AGFG1: variants seen among roughly 807,000 people sequenced by gnomAD.
AGFG1 encodes arf-GAP domain and FG repeat-containing protein 1.
In AGFG1, 10 loss-of-function variants were observed where a neutral mutation model predicts 60.6. That is an observed-to-expected ratio of 0.16 (90% CI 0.10 to 0.28). AGFG1 has a LOEUF of 0.28. Among genes scored for constraint, AGFG1 ranks in the 10% least tolerant of loss-of-function variants. The pLI is 1.00. For missense variants in AGFG1, 537 were observed against 676.5 expected, an observed-to-expected ratio of 0.79 and a Z score of 2.29; for synonymous variants, 247 against 242.9, an observed-to-expected ratio of 1.02 and a Z score of -0.16.
At chr2:227,516,598 G>T (rs1691658975) in intron 2 of AGFG1, among the ~76,000 whole-genome samples, 1 of 152,146 alleles carries the variant, frequency 6.6e-6, no homozygotes, top group Non-Finnish European at 1.5e-5. Context: ...ACAGCAGTTA[G>T]TAAACAATTT....
intron 10 of AGFG1, chr2:227,550,189 C>T: frequency 3.1e-6 from 1 of 327,114 alleles, no homozygotes; most frequent in Non-Finnish European, 6.4e-6. Flanking sequence ...TTCTGGATCC[C>T]TGCATGTGGA....
intron 1 of AGFG1, among the ~76,000 whole-genome samples, chr2:227,489,215 T>G (rs7604625): frequency 0.59 from 85,255 of 143,354 alleles, 25,617 homozygotes; most frequent in South Asian, 0.69. Flanking sequence ...TCAGAGTTAG[T>G]TTTGAGAGTT....
rs185376403 is a variant in AGFG1, at chr2:227,539,909, C to G, written c.1378+2916C>G. On this transcript the variant is annotated intron_variant, in intron 10 of 12. Coordinates refer to ENST00000310078, the MANE Select transcript of AGFG1 (RefSeq NM_004504.5). ...GGAGTGCAGTGGCTTAATCTTTGCT[C>G]ACTGCAGCCTCTACCTCCCGGATTC... 2.1e-3 allele frequency among the ~76,000 whole-genome samples: 316 copies of G among 152,284 alleles called. 2 individuals carry two copies. Among genetic ancestry groups the G allele is most frequent in the African/African-American group, 7.4e-3 (307 of 41,556 alleles).
At chr2:227,516,971 C>T (rs910020867) in intron 2 of AGFG1, among the ~76,000 whole-genome samples, 1 of 152,092 alleles carries the variant, frequency 6.6e-6, no homozygotes, top group African/African-American at 2.4e-5. Context: ...CTTTAAAAAT[C>T]TTAAAGAATT....
intron 4 of AGFG1, among the ~76,000 whole-genome samples, chr2:227,524,213 A>G (rs1408558518): frequency 3.9e-5 from 6 of 152,110 alleles, no homozygotes; most frequent in Non-Finnish European, 8.8e-5. Flanking sequence ...GTATACATGT[A>G]TATATCATGT....
At chr2:227,472,961 G>T (rs1187885537) in intron 1 of AGFG1, among the ~76,000 whole-genome samples, 2 of 151,902 alleles carry the variant, frequency 1.3e-5, no homozygotes, top group Non-Finnish European at 2.9e-5. Flanking sequence ...GGGCTGTGGG[G>T]GGTGGGGGAA....
chr2:227,483,737 A>T (rs1361081732), intron 1 of AGFG1, among the ~76,000 whole-genome samples: 1 of 151,870 alleles, frequency 6.6e-6, no homozygotes, highest in South Asian at 2.1e-4. Context: ...CTAGTTTTTG[A>T]TATATATGAA....
At chr2:227,493,299 A>C (rs555908845) in intron 2 of AGFG1, among the ~76,000 whole-genome samples, 3 of 152,330 alleles carry the variant, frequency 2.0e-5, no homozygotes, top group East Asian at 3.9e-4. Flanking sequence ...ACTTTATACC[A>C]GTTGAATTAC....
chr2:227,476,067 C>T (rs75598445), intron 1 of AGFG1, among the ~76,000 whole-genome samples: 1 of 151,920 alleles, frequency 6.6e-6, no homozygotes, highest in Middle Eastern at 3.4e-3. Flanking sequence ...TTTCTTGTTT[C>T]TTTTTTTTCA....
At chr2:227,543,105 C>T (rs1403533134) in intron 10 of AGFG1, among the ~76,000 whole-genome samples, 2 of 152,078 alleles carry the variant, frequency 1.3e-5, no homozygotes, top group African/African-American at 4.8e-5. Context: ...TTCAAAAAAC[C>T]AGCTCCTGGA....
chr2:227,482,293 C>T lies in AGFG1; in HGVS notation c.168-9254C>T, dbSNP rs138438134. Among the ~76,000 whole-genome samples the T allele has an allele frequency of 1.5e-3, 226 of 152,178 alleles. 3 individuals are homozygous for T. Among genetic ancestry groups the T allele is most frequent in the African/African-American group, 5.1e-3 (212 of 41,516 alleles). ...AGTATTTGTGGCTTTCCCAGAAACT[C>T]AGAATAACAATAGGGATTTATATCA... On this transcript the variant is annotated intron_variant, in intron 1 of 12. Coordinates refer to ENST00000310078, the MANE Select transcript of AGFG1 (RefSeq NM_004504.5).
chr2:227,503,486 G>A (rs1473309298), intron 2 of AGFG1, among the ~76,000 whole-genome samples: 1 of 152,182 alleles, frequency 6.6e-6, no homozygotes, highest in Non-Finnish European at 1.5e-5. Context: ...CCTGTTGCCT[G>A]TTTTTATATG....
At chr2:227,492,794 T>C (rs1195643868) in intron 2 of AGFG1, among the ~76,000 whole-genome samples, 1 of 152,076 alleles carries the variant, frequency 6.6e-6, no homozygotes, top group Non-Finnish European at 1.5e-5. Context: ...TATAAGAACA[T>C]GTAAAGCTGG....
intron 2 of AGFG1, among the ~76,000 whole-genome samples, chr2:227,496,122 A>C (rs1359039321): frequency 7.5e-5 from 1 of 13,382 alleles, no homozygotes; most frequent in Non-Finnish European, 1.6e-4. Context: ...AAAAAAAAAA[A>C]AAGAAAAAAA....
intron 2 of AGFG1, 81 bp downstream of exon 2, chr2:227,491,721 A>G: frequency 6.2e-6 from 5 of 808,414 alleles, no homozygotes; most frequent in Non-Finnish European, 9.6e-6. Context: ...AGTTATTTAA[A>G]ACGTTGAATT....
chr2:227,536,055 A>C (rs1170951963), intron 8 of AGFG1, among the ~76,000 whole-genome samples: 1 of 152,094 alleles, frequency 6.6e-6, no homozygotes, highest in African/African-American at 2.4e-5. Context: ...GTTCTAGGGT[A>C]CATGTGCACA....
intron 3 of AGFG1, among the ~76,000 whole-genome samples, chr2:227,520,606 G>A (rs934605221): frequency 6.6e-6 from 1 of 152,136 alleles, no homozygotes; most frequent in Non-Finnish European, 1.5e-5. Context: ...TCTATCAGAT[G>A]TTAATTTTTA....
At chr2:227,513,702 A>G (rs1028179682) in intron 2 of AGFG1, among the ~76,000 whole-genome samples, 3 of 152,226 alleles carry the variant, frequency 2.0e-5, no homozygotes, top group African/African-American at 7.2e-5. Context: ...CCATTTCTAT[A>G]GTAACTGACT....
chr2:227,532,231 G>T, intron 6 of AGFG1: 2 of 1,521,408 alleles, frequency 1.3e-6, no homozygotes, highest in Non-Finnish European at 1.8e-6. Flanking sequence ...TGTCAAGTAG[G>T]CATCTTATAC....
Sources: allele counts gnomAD v4.1 joint callset (sites outside exome capture counted in the v4.1 genomes callset), GRCh38; gene constraint gnomAD v4.1.1; transcripts MANE v1.5; gene names NCBI Gene and HGNC (gene_info 2026-07-23, HGNC 2026-07-21).